The following HACL2 variants were observed in gnomAD, a reference collection of about 807,000 sequenced individuals.
HACL2 encodes 2-hydroxyacyl-CoA lyase 2, also known as 2-hydroxyacyl-CoA lyase 1 like.
chr19:15,116,174 G>A, the HACL2 span: 2 of 1,613,588 alleles, frequency 1.2e-6, no homozygotes, highest in Non-Finnish European at 1.7e-6. Context: ...AGCGCAGGGG[G>A]CCGCGGGGCT....
chr19:15,124,718 G>A, the HACL2 span: 3 of 632,818 alleles, frequency 4.7e-6, no homozygotes, highest in East Asian at 3.3e-5. Flanking sequence ...GGCAGCTTCC[G>A]TGTTCTCTCT....
At chr19:15,122,429 G>A in the HACL2 span, among the ~76,000 whole-genome samples, 1 of 152,092 alleles carries the variant, frequency 6.6e-6, no homozygotes, top group Non-Finnish European at 1.5e-5. The surrounding 1 kb of genome is among the most constrained non-coding windows in gnomAD (Gnocchi z 4.0). Flanking sequence ...TGGAGGAGGA[G>A]AAGAAAGGGA....
At chr19:15,115,629 G>A in the HACL2 span, 1 of 1,613,956 alleles carries the variant, frequency 6.2e-7, no homozygotes, top group East Asian at 2.2e-5. Flanking sequence ...CGAGAAATCT[G>A]TGTCCAGCCA....
chr19:15,117,673 C>T, the HACL2 span: 17 of 501,874 alleles, frequency 3.4e-5, no homozygotes, highest in Admixed American at 1.6e-4. Context: ...AGCGAGACCT[C>T]GTCTCTAAAA....
chr19:15,123,682 A>C, the HACL2 span: 1 of 954,122 alleles, frequency 1.0e-6, no homozygotes, highest in Non-Finnish European at 1.6e-6. This position sits in a 1 kb window ranked among gnomAD's most constrained non-coding sequence, Gnocchi z 5.1. Context: ...GAGCAGGGTG[A>C]GAGGTCAAGA....
the HACL2 span, chr19:15,123,425 CGT>C: frequency 1.2e-6 from 2 of 1,614,038 alleles, no homozygotes; most frequent in African/African-American, 2.7e-5. The surrounding 1 kb of genome is among the most constrained non-coding windows in gnomAD (Gnocchi z 5.1). Flanking sequence ...GACCTCATGG[CGT>C]GTGTCCACCA....
At chr19:15,122,838 A>C in the HACL2 span, 1 of 1,613,608 alleles carries the variant, frequency 6.2e-7, no homozygotes, top group Non-Finnish European at 8.5e-7. The surrounding 1 kb of genome is among the most constrained non-coding windows in gnomAD (Gnocchi z 4.0). Context: ...AGTCCATAAC[A>C]TGTCCCCAGC....
At chr19:15,115,536 G>C in the HACL2 span, 26 of 1,604,782 alleles carry the variant, frequency 1.6e-5, no homozygotes, top group Non-Finnish European at 2.2e-5. Context: ...ACAGCCTCCT[G>C]TCCTCCCAAC....
At chr19:15,117,782 CCTCAATCA>C in the HACL2 span, 1 of 1,428,026 alleles carries the variant, frequency 7.0e-7, no homozygotes, top group Non-Finnish European at 9.7e-7. Context: ...AAGGTCTGGG[CCTCAATCA>C]CTGTACCAGG....
chr19:15,125,154 C>T, the HACL2 span: 1 of 1,318,122 alleles, frequency 7.6e-7, no homozygotes, highest in Non-Finnish European at 1.0e-6. Flanking sequence ...CAGCAGGATC[C>T]AGGGCCACGA....
At chr19:15,115,422 T>C in the HACL2 span, 19 of 1,613,284 alleles carry the variant, frequency 1.2e-5, no homozygotes, top group Non-Finnish European at 1.6e-5. Context: ...ATGGCTGCCT[T>C]GTGATAATCT....
the HACL2 span, chr19:15,119,247 GC>G: frequency 2.5e-6 from 4 of 1,609,832 alleles, no homozygotes; most frequent in East Asian, 2.2e-5. Flanking sequence ...CGGCCTAACA[GC>G]CCCCGTGCCA....
chr19:15,124,706 G>C, the HACL2 span: 59 of 577,864 alleles, frequency 1.0e-4, 1 homozygote, highest in East Asian at 2.0e-3. Flanking sequence ...TGCCCCGGCA[G>C]CGGCAGCTTC....
At chr19:15,122,652 C>T in the HACL2 span, 87 of 1,534,772 alleles carry the variant, frequency 5.7e-5, no homozygotes, top group East Asian at 1.6e-4. This position sits in a 1 kb window ranked among gnomAD's most constrained non-coding sequence, Gnocchi z 4.0. Context: ...CAGGAGAGAA[C>T]GGGGGATAAA....
At chr19:15,123,943 G>A in the HACL2 span, 8 of 251,402 alleles carry the variant, frequency 3.2e-5, no homozygotes, top group Non-Finnish European at 6.2e-5. The surrounding 1 kb of genome is among the most constrained non-coding windows in gnomAD (Gnocchi z 5.1). Context: ...TTGGCCAGGG[G>A]CACAACGCAC....
At chr19:15,123,705 TG>T in the HACL2 span, 9 of 740,174 alleles carry the variant, frequency 1.2e-5, no homozygotes, top group Non-Finnish European at 1.8e-5. The surrounding 1 kb of genome is among the most constrained non-coding windows in gnomAD (Gnocchi z 5.1). Flanking sequence ...AGCTTGGTCT[TG>T]GTTAGGCATA....
At chr19:15,119,139 G>A in the HACL2 span, 1 of 1,522,484 alleles carries the variant, frequency 6.6e-7, no homozygotes, top group South Asian at 1.3e-5. Flanking sequence ...CTGGGGGAAG[G>A]AGGGAAAGGA....
the HACL2 span, among the ~76,000 whole-genome samples, chr19:15,122,363 G>A: frequency 6.6e-6 from 1 of 152,112 alleles, no homozygotes; most frequent in Non-Finnish European, 1.5e-5. The surrounding 1 kb of genome is among the most constrained non-coding windows in gnomAD (Gnocchi z 4.0). Context: ...GGTGGTGGGG[G>A]AAAGGGAGGA....
At chr19:15,124,920 C>A in the HACL2 span, 1 of 1,602,102 alleles carries the variant, frequency 6.2e-7, no homozygotes, top group East Asian at 2.3e-5. Flanking sequence ...TTCTGTGCCC[C>A]GCACCTTGTG....
Sources: allele counts gnomAD v4.1 joint callset (sites outside exome capture counted in the v4.1 genomes callset), GRCh38; gene constraint gnomAD v4.1.1; non-coding constraint Gnocchi (gnomAD v3.1); transcripts MANE v1.5; gene names NCBI Gene and HGNC (gene_info 2026-07-23, HGNC 2026-07-21).